LYZ: variants seen among roughly 807,000 people sequenced by gnomAD.
LYZ encodes lysozyme C.
In LYZ, 18 loss-of-function variants were observed where a neutral mutation model predicts 15.8. The observed-to-expected ratio is 1.14, with a 90% CI of 0.79 to 1.69. The LOEUF is 1.69. LYZ is among the 40% of genes most tolerant of loss of function. LYZ has a pLI of 0.00. For synonymous variants in LYZ, 60 were observed against 61.7 expected (o/e 0.97, Z 0.13); for missense variants, 139 against 182.8 (o/e 0.76, Z 1.38).
Position 69,353,329 on chromosome 12 carries a change from T to G in LYZ, c.*110T>G, listed in dbSNP as rs1408612274. Reference sequence around the variant, plus strand: ...TTCCCCTTCAAACAAATAATATTTTTACAGAAGCAGGAGCAAAATATGGCC... The same window carrying G: ...TTCCCCTTCAAACAAATAATATTTTGACAGAAGCAGGAGCAAAATATGGCC... On this transcript the variant is annotated 3_prime_UTR_variant, in exon 4 of 4. Coordinates refer to ENST00000261267, the MANE Select transcript of LYZ (RefSeq NM_000239.3). 1 of 924,240 alleles carries G rather than the reference T, an allele frequency of 1.1e-6. No individual in the cohort carries two copies. The highest frequency in any genetic ancestry group is 1.8e-6 in the Non-Finnish European group (1 of 555,708). The allele number at this position is 924,240 out of a possible 1,614,324, so 57.3% of individuals were successfully genotyped here.
rs144355664 is a variant in LYZ, at chr12:69,353,318, A to G, written c.*99A>G. 24 of 966,086 alleles carry G rather than the reference A, an allele frequency of 2.5e-5. No individual in the cohort carries two copies. Among genetic ancestry groups the G allele is most frequent in the East Asian group, 9.5e-5 (4 of 41,928 alleles). 59.8% of individuals were successfully genotyped at this position (966,086 alleles called of 1,614,324 possible). A position where few individuals can be genotyped will look rare whatever the true frequency, so the allele number is the denominator to read the frequency against. On this transcript the variant is annotated 3_prime_UTR_variant, in exon 4 of 4. Coordinates refer to ENST00000261267, the MANE Select transcript of LYZ (RefSeq NM_000239.3). ...ACTACCATTATTTCCCCTTCAAACAAATAATATTTTTACAGAAGCAGGAGC... is the reference window on the plus strand; with the variant it reads ...ACTACCATTATTTCCCCTTCAAACAGATAATATTTTTACAGAAGCAGGAGC...
chr12:69,349,088 G>C (rs545064117), intron 1 of LYZ, among the ~76,000 whole-genome samples: 1 of 152,208 alleles, frequency 6.6e-6, no homozygotes, highest in African/African-American at 2.4e-5. Context: ...TGCAACCTCT[G>C]CCTTCTGGGC....
intron 2 of LYZ, 149 bp from the exon 3 acceptor site, chr12:69,352,071 G>C: frequency 1.7e-6 from 1 of 594,212 alleles, no homozygotes; most frequent in Non-Finnish European, 3.0e-6. Context: ...AGAATGAAGA[G>C]AGTTTTCCCC....
chr12:69,350,320 G>T (rs567490069), intron 2 of LYZ, 48 bp downstream of exon 2: 1 of 1,598,012 alleles, frequency 6.3e-7, no homozygotes, highest in East Asian at 2.2e-5. Context: ...TACAAGAATT[G>T]AGACTCAATA....
At chr12:69,350,588 G>T in intron 2 of LYZ, 1 of 305,152 alleles carries the variant, frequency 3.3e-6, no homozygotes, top group South Asian at 3.6e-5. Flanking sequence ...TAATTTAGTT[G>T]TATGGTCCTT....
intron 2 of LYZ, among the ~76,000 whole-genome samples, chr12:69,350,715 G>A (rs540927027): frequency 1.1e-5 from 1 of 92,064 alleles, no homozygotes; most frequent in African/African-American, 4.3e-5. Flanking sequence ...TTAACATTTT[G>A]CCATAGTTGC....
At position 69,350,352 on chromosome 12, in the gene LYZ, G is replaced by C. The variant is rs1023336949; in HGVS notation, c.301+80G>C. 1.3e-5 allele frequency: 18 copies of C among 1,432,434 alleles called. No homozygotes were observed. In the South Asian group the frequency reaches 2.1e-4, roughly 17 times the overall value. 88.7% of individuals were successfully genotyped at this position (1,432,434 alleles called of 1,614,324 possible). ...AATACAAATGAAAAAGCCTTGAAAGGTTCATGAGGGACCTAGAAAAACTAC... is the reference window on the plus strand; with the variant it reads ...AATACAAATGAAAAAGCCTTGAAAGCTTCATGAGGGACCTAGAAAAACTAC... On this transcript the variant is annotated intron_variant, in intron 2 of 3. Transcript: ENST00000261267.
chr12:69,351,082 A>T (rs11177605), intron 2 of LYZ, among the ~76,000 whole-genome samples: 1 of 152,108 alleles, frequency 6.6e-6, no homozygotes, highest in Admixed American at 6.6e-5. Flanking sequence ...CTGCTGAGAG[A>T]CTTTTAAGTG....
Position 69,353,296 on chromosome 12 carries a change from A to G in LYZ, c.*77A>G. ...TAGGAATTAAGTGAAAGGTCACACT[A>G]CCATTATTTCCCCTTCAAACAAATA... is the stretch of plus-strand genomic sequence containing the variant. On this transcript the variant is annotated 3_prime_UTR_variant, in exon 4 of 4. Coordinates refer to ENST00000261267, the MANE Select transcript of LYZ (RefSeq NM_000239.3). 2 of 1,073,334 alleles carry G rather than the reference A, an allele frequency of 1.9e-6. No homozygotes were observed. The highest frequency in any genetic ancestry group is 2.9e-6 in the Non-Finnish European group (2 of 686,568). The allele number at this position is 1,073,334 out of a possible 1,614,324, so 66.5% of individuals were successfully genotyped here. A position where few individuals can be genotyped will look rare whatever the true frequency, so the allele number is the denominator to read the frequency against.
At chr12:69,352,469 G>C (rs111402206) in intron 3 of LYZ, among the ~76,000 whole-genome samples, 171 bp downstream of exon 3, 1,645 of 152,318 alleles carry the variant, frequency 0.011, 35 homozygotes, top group African/African-American at 0.038. Context: ...TACTTTAACT[G>C]ATCCAGAATC....
In LYZ at chr12:69,353,254, C is replaced by G. The variant is rs1874883401; in HGVS notation, c.*35C>G. The stretch of plus-strand genomic sequence containing the variant: ...TTTCCTTCTTCAGCTCATTTTGTCT[C>G]TCTCACATTAAGGGAGTAGGAATTA... On this transcript the variant is annotated 3_prime_UTR_variant, in exon 4 of 4. Transcript: ENST00000261267. 6.7e-7 allele frequency: 1 copy of G among 1,494,948 alleles called. No homozygotes were observed. Among genetic ancestry groups the G allele is most frequent in the Non-Finnish European group, 9.3e-7 (1 of 1,071,478 alleles). The allele number at this position is 1,494,948 out of a possible 1,614,324, so 92.6% of individuals were successfully genotyped here.
chr12:69,349,432 T>C (rs1367909997), intron 1 of LYZ, among the ~76,000 whole-genome samples: 1 of 152,254 alleles, frequency 6.6e-6, no homozygotes, highest in Non-Finnish European at 1.5e-5. Context: ...AATGTTTTAT[T>C]ATTTTTATCT....
Position 69,348,472 on chromosome 12 carries a change from G to A in LYZ, c.64G>A (p.Glu22Lys). ...LSVTVQGKVF[E>K]RCELARTLKR... ...TGTTACGGTCCAGGGCAAGGTCTTT[G>A]AAAGGTGTGAGTTGGCCAGAACTCT... is the stretch of plus-strand genomic sequence containing the variant. Residue 22 changes from glutamate to lysine, a missense_variant, in exon 1 of 4, where the codon GAA becomes AAA. By Grantham distance (56) the Glu-to-Lys change is moderately conservative. Coordinates refer to ENST00000261267, the MANE Select transcript of LYZ (RefSeq NM_000239.3). The A allele has an allele frequency of 6.2e-7, 1 of 1,614,208 alleles. No individual in the cohort carries two copies. Among genetic ancestry groups the A allele is most frequent in the Non-Finnish European group, 8.5e-7 (1 of 1,180,034 alleles).
chr12:69,350,269 AGT>A lies in LYZ; in HGVS notation c.300_301del (p.Ala101PhefsTer5). On this transcript the variant is annotated frameshift_variant and splice_region_variant, in exon 2 of 4. Coordinates refer to ENST00000261267, the MANE Select transcript of LYZ (RefSeq NM_000239.3). LOFTEE classifies it high-confidence loss of function. ...AGTTAATGCCTGTCATTTATCCTGCAGTGGTAAGACAAGCTAATATTTGACCA... is the reference window on the plus strand; with the variant it reads ...AGTTAATGCCTGTCATTTATCCTGCAGGTAAGACAAGCTAATATTTGACCA... ...GAVNACHLSC[S>X]ALLQDNIADA... is the part of the protein sequence containing the mutation. The A allele has an allele frequency of 1.9e-6, 3 of 1,614,140 alleles. No homozygotes were observed. Among genetic ancestry groups the A allele is most frequent in the Non-Finnish European group, 2.5e-6 (3 of 1,179,978 alleles).
intron 3 of LYZ, among the ~76,000 whole-genome samples, chr12:69,352,588 T>C (rs1874865954): frequency 6.6e-6 from 1 of 152,160 alleles, no homozygotes; most frequent in Non-Finnish European, 1.5e-5. Flanking sequence ...AATAAGTAAG[T>C]GTGGGCCGGG....
Position 69,348,465 on chromosome 12 carries a change from GGTCTT to G in LYZ, c.58_62del (p.Val20Ter). ...TCCTTTCTGTTACGGTCCAGGGCAA[GGTCTT>G]TGAAAGGTGTGAGTTGGCCAGAACT... On this transcript the variant is annotated frameshift_variant, in exon 1 of 4. Transcript: ENST00000261267. LOFTEE classifies it high-confidence loss of function. 6.2e-7 allele frequency: 1 copy of G among 1,614,222 alleles called. No individual in the cohort carries two copies. Among genetic ancestry groups the G allele is most frequent in the Non-Finnish European group, 8.5e-7 (1 of 1,180,038 alleles).
chr12:69,348,681 A>G, intron 1 of LYZ, 137 bp downstream of exon 1: 1 of 1,102,568 alleles, frequency 9.1e-7, no homozygotes, highest in Admixed American at 2.0e-5. Flanking sequence ...AATGGCTAAA[A>G]ACATCAGTTT....
chr12:69,349,063 A>G (rs1327157546), intron 1 of LYZ, among the ~76,000 whole-genome samples: 1 of 152,112 alleles, frequency 6.6e-6, no homozygotes, highest in Non-Finnish European at 1.5e-5. Context: ...GTGCAGTGGC[A>G]TGATCTCAGC....
rs1451393800 is a variant in LYZ at position 69,354,142 on chromosome 12, A to T, written c.*923A>T. 1.3e-5 allele frequency: 2 copies of T among 152,252 alleles called. No individual in the cohort carries two copies. Among genetic ancestry groups the T allele is most frequent in the Admixed American group, 6.5e-5 (1 of 15,288 alleles). The allele number at this position is 152,252 out of a possible 1,614,324, so 9.4% of individuals were successfully genotyped here. On this transcript the variant is annotated 3_prime_UTR_variant, in exon 4 of 4. Coordinates refer to ENST00000261267, the MANE Select transcript of LYZ (RefSeq NM_000239.3). ...GATTAAATCTGAGGCAGATGAGCTTACAAGTATTGAAATAATTACTAATTA... is the reference window on the plus strand; with the variant it reads ...GATTAAATCTGAGGCAGATGAGCTTTCAAGTATTGAAATAATTACTAATTA...
Sources: allele counts gnomAD v4.1 joint callset (sites outside exome capture counted in the v4.1 genomes callset), GRCh38; gene constraint gnomAD v4.1.1; transcripts MANE v1.5; gene names NCBI Gene and HGNC (gene_info 2026-07-23, HGNC 2026-07-21).